GRIN2A: variants seen among roughly 807,000 people sequenced by gnomAD.
The protein encoded by GRIN2A is glutamate ionotropic receptor NMDA type subunit 2A, also known as glutamate receptor ionotropic, NMDA 2A.
GRIN2A carries 22 observed loss-of-function variants against 113.4 expected under a neutral mutation model. That is an observed-to-expected ratio of 0.19 (90% CI 0.14 to 0.28). The LOEUF (loss-of-function observed/expected upper bound fraction) is 0.28, where lower values mean the gene tolerates loss of function less well. Among genes scored for constraint, GRIN2A ranks in the 10% least tolerant of loss-of-function variants. The pLI, the probability that GRIN2A is intolerant of heterozygous loss-of-function variation, is 1.00. For missense variants in GRIN2A, 1,502 were observed against 1,887.0 expected, an observed-to-expected ratio of 0.80 and a Z score of 3.78; for synonymous variants, 827 against 738.4, an observed-to-expected ratio of 1.12 and a Z score of -1.94.
At chr16:9,805,806 A>T (rs146673348) in intron 10 of GRIN2A, among the ~76,000 whole-genome samples, 2 of 152,072 alleles carry the variant, frequency 1.3e-5, no homozygotes, top group African/African-American at 4.8e-5. Flanking sequence ...GTGGATCACC[A>T]CCGGGTACCC....
In GRIN2A at chr16:9,843,472, G is replaced by A. The variant is rs2141352561; in HGVS notation, c.1329-2368C>T. On this transcript the variant is annotated intron_variant, in intron 5 of 12. Transcript: ENST00000330684. ...GGCCTTTCAAAGTGCTGGGATTACA[G>A]GTGTGCGACACCATACTCAAGCTGG... 1.3e-5 allele frequency among the ~76,000 whole-genome samples: 2 copies of A among 152,298 alleles called. 1 individual carries two copies. Among genetic ancestry groups the A allele is most frequent in the South Asian group, 4.1e-4 (2 of 4,830 alleles).
chr16:10,011,959 G>C (rs2046513629), intron 2 of GRIN2A, among the ~76,000 whole-genome samples: 1 of 152,200 alleles, frequency 6.6e-6, no homozygotes. Flanking sequence ...GGAGACCATA[G>C]CATAGATAAG....
intron 2 of GRIN2A, among the ~76,000 whole-genome samples, chr16:10,150,700 G>C (rs912499927): frequency 6.7e-6 from 1 of 150,018 alleles, no homozygotes; most frequent in African/African-American, 2.4e-5. Flanking sequence ...CACCTCCTCA[G>C]AGAGACCTTT....
intron 2 of GRIN2A, among the ~76,000 whole-genome samples, chr16:9,981,800 T>C (rs1193991719): frequency 6.6e-6 from 1 of 152,204 alleles, no homozygotes; most frequent in Non-Finnish European, 1.5e-5. Context: ...TTTATGTATT[T>C]ATTTTTGAGA....
At chr16:10,001,494 C>T (rs760932829) in intron 2 of GRIN2A, among the ~76,000 whole-genome samples, 1 of 152,230 alleles carries the variant, frequency 6.6e-6, no homozygotes, top group Non-Finnish European at 1.5e-5. Context: ...CAACTCTCTG[C>T]CCTACATACC....
intron 4 of GRIN2A, among the ~76,000 whole-genome samples, chr16:9,881,026 G>C (rs1178954789): frequency 1.3e-5 from 2 of 152,106 alleles, no homozygotes; most frequent in African/African-American, 4.8e-5. Flanking sequence ...GAGTGCTCAG[G>C]AAATTTTCTT....
chr16:9,772,954 A>C (rs977531978), intron 11 of GRIN2A, among the ~76,000 whole-genome samples: 1 of 148,704 alleles, frequency 6.7e-6, no homozygotes, highest in South Asian at 2.1e-4. Context: ...GAGCAAATGC[A>C]CATTTCTCAT....
At chr16:9,966,168 A>C (rs116270132) in intron 2 of GRIN2A, among the ~76,000 whole-genome samples, 2 of 152,172 alleles carry the variant, frequency 1.3e-5, no homozygotes, top group Non-Finnish European at 2.9e-5. Flanking sequence ...TTTGTTACAC[A>C]GGTAAACTTG....
intron 2 of GRIN2A, among the ~76,000 whole-genome samples, chr16:10,109,637 A>C (rs1277350968): frequency 6.6e-6 from 1 of 152,076 alleles, no homozygotes. Flanking sequence ...GATTACAAAA[A>C]AAAAAAAAAT....
chr16:9,976,276 C>T (rs375192274), intron 2 of GRIN2A, among the ~76,000 whole-genome samples: 22 of 152,338 alleles, frequency 1.4e-4, no homozygotes, highest in East Asian at 1.3e-3. Context: ...TGTTCTTTAA[C>T]TGGGGCTGTG....
intron 11 of GRIN2A, among the ~76,000 whole-genome samples, chr16:9,776,248 G>A (rs1054092872): frequency 1.3e-5 from 2 of 151,024 alleles, no homozygotes; most frequent in Non-Finnish European, 1.5e-5. Context: ...TAAATATGAC[G>A]CCATGGTTTC....
intron 2 of GRIN2A, among the ~76,000 whole-genome samples, chr16:9,972,145 G>T (rs1371125946): frequency 6.6e-6 from 1 of 152,280 alleles, no homozygotes; most frequent in Non-Finnish European, 1.5e-5. Context: ...TTGAACAAAG[G>T]GTGAGTAGAC....
At chr16:9,903,378 G>T (rs548196588) in intron 3 of GRIN2A, among the ~76,000 whole-genome samples, 1 of 152,230 alleles carries the variant, frequency 6.6e-6, no homozygotes, top group South Asian at 2.1e-4. Flanking sequence ...CAGGAGCAAA[G>T]GTCAGATCTT....
chr16:9,768,993 G>C lies in GRIN2A; in HGVS notation c.2453C>G (p.Ala818Gly), dbSNP rs751455326. 6.2e-7 allele frequency: 1 copy of C among 1,614,140 alleles called. No individual in the cohort carries two copies. The highest frequency in any genetic ancestry group is 8.5e-7 in the Non-Finnish European group (1 of 1,179,978). ...MSSQLDIDNM[A>G]GVFYMLAAAM... ...GGCAGCCAGCATGTAGAATACGCCC[G>C]CCATGTTGTCAATGTCCAGCTGGCT... The change falls in exon 12 of 13, where the codon GCG (alanine) becomes GGG (glycine). Residue 818 changes from alanine (A) to glycine (G), a missense_variant. Physicochemically the swap from Ala to Gly is moderately conservative, Grantham distance 60. This residue lies in a region of GRIN2A where 101 missense variants were observed against 240.4 expected (regional missense o/e 0.42). Coordinates refer to ENST00000330684, the MANE Select transcript of GRIN2A (RefSeq NM_001134407.3).
At chr16:10,127,411 A>T (rs938691433) in intron 2 of GRIN2A, among the ~76,000 whole-genome samples, 2 of 151,258 alleles carry the variant, frequency 1.3e-5, no homozygotes, top group East Asian at 3.9e-4. Context: ...CCTAAACACT[A>T]CCTCCCTACC....
chr16:10,036,690 C>A (rs1261715491), intron 2 of GRIN2A, among the ~76,000 whole-genome samples: 1 of 151,768 alleles, frequency 6.6e-6, no homozygotes, highest in Non-Finnish European at 1.5e-5. Flanking sequence ...TCGTGATCCG[C>A]CCACCTCGGC....
intron 11 of GRIN2A, among the ~76,000 whole-genome samples, chr16:9,772,922 CAAAAAAA>C (rs71400490): frequency 5.7e-5 from 6 of 104,984 alleles, no homozygotes; most frequent in South Asian, 3.4e-4. Flanking sequence ...ACTTCAATTT[CAAAAAAA>C]AAAAAAAAAA....
At chr16:9,952,417 AC>A (rs969117996) in intron 2 of GRIN2A, among the ~76,000 whole-genome samples, 1 of 152,082 alleles carries the variant, frequency 6.6e-6, no homozygotes, top group African/African-American at 2.4e-5. Flanking sequence ...AGAACATGGC[AC>A]CCACTGGGAA....
Position 10,007,252 on chromosome 16 carries a change from A to G in GRIN2A, c.415-68701T>C, listed in dbSNP as rs193075327. Among the ~76,000 whole-genome samples the G allele has an allele frequency of 1.6e-3, 240 of 152,314 alleles. 3 individuals are homozygous for G. The highest frequency in any genetic ancestry group is 5.7e-3 in the African/African-American group (235 of 41,558). The stretch of plus-strand genomic sequence containing the variant: ...GTATTAATTTACATTTCTACCAAAA[A>G]AGTACAGGGTTCCCCTTCCTCCACA... On this transcript the variant is annotated intron_variant, in intron 2 of 12. Coordinates refer to ENST00000330684, the MANE Select transcript of GRIN2A (RefSeq NM_001134407.3).
Sources: gnomAD v4.1 joint callset for allele counts (sites outside exome capture counted in the v4.1 genomes callset) on GRCh38, gnomAD v4.1.1 for gene constraint, gnomAD v4.1.1 regional missense constraint, MANE v1.5 for transcripts, NCBI Gene and HGNC (gene_info 2026-07-23, HGNC 2026-07-21) for gene names.